Variants in SLC7A7 observed in about 807,000 individuals in gnomAD.
SLC7A7 encodes solute carrier family 7 member 7.
SLC7A7 carries 39 observed loss-of-function variants against 47.9 expected under a neutral mutation model. The observed-to-expected ratio is 0.81, with a 90% CI of 0.63 to 1.06. The LOEUF is 1.06. SLC7A7 is among the 50% of genes least tolerant of loss of function. The probability of loss-of-function intolerance (pLI) is 0.00; values close to 1 mark genes in which losing one functional copy is unlikely to be tolerated. For missense variants in SLC7A7, 588 were observed against 632.0 expected, an observed-to-expected ratio of 0.93 and a Z score of 0.75; for synonymous variants, 234 against 242.8, an observed-to-expected ratio of 0.96 and a Z score of 0.34.
chr14:22,810,630 C>CAAACCTAATTTGCCAGTAAGCA (rs1247550231), intron 2 of SLC7A7, among the ~76,000 whole-genome samples: 1 of 152,146 alleles, frequency 6.6e-6, no homozygotes, highest in Non-Finnish European at 1.5e-5. Context: ...TGCCAGTAAG[C>CAAACCTAATTTGCCAGTAAGCA]AACCTACCAG....
intron 2 of SLC7A7, among the ~76,000 whole-genome samples, chr14:22,801,167 A>G (rs767899635): frequency 6.6e-6 from 1 of 152,164 alleles, no homozygotes; most frequent in Non-Finnish European, 1.5e-5. Context: ...AGCACAGCTT[A>G]TAAAGCTTTG....
intron 3 of SLC7A7, among the ~76,000 whole-genome samples, chr14:22,779,595 C>T (rs1171946344): frequency 1.3e-5 from 2 of 152,070 alleles, no homozygotes; most frequent in Non-Finnish European, 2.9e-5. Flanking sequence ...GCTGGGATTA[C>T]AGGCGCCTGC....
In SLC7A7 at chr14:22,776,296, T is replaced by C. The variant is rs762335369; in HGVS notation, c.793A>G (p.Ile265Val). Residue 265 changes from isoleucine to valine, a missense_variant, in exon 5 of 10, where the codon ATC becomes GTC. By Grantham distance (29) the Ile-to-Val change is conservative (BLOSUM62 3). Transcript: ENST00000674313. ...PERNLPLSIG[I>V]SMPIVTIIYI... ...ATGATGGTGACAATGGGCATGGAGA[T>C]GCCAATGGAGAGGGGCAGGTTCCTA... 5 of 1,614,222 alleles carry C rather than the reference T, an allele frequency of 3.1e-6. No individual in the cohort carries two copies. In the East Asian group the frequency reaches 6.7e-5, roughly 22 times the overall value.
chr14:22,813,368 A>G lies in SLC7A7; in HGVS notation c.31T>C (p.Ser11Pro). ...GGGGAGGTTTCCACCTCAGGCTGGG[A>G]GGCCACTTCATACTCAGTGCTGTCA... is the stretch of plus-strand genomic sequence containing the variant. MVDSTEYEVA[S>P]QPEVETSPLG... Residue 11 changes from serine (S) to proline (P), a missense_variant, in exon 2 of 10, where the codon TCC becomes CCC. Coordinates refer to ENST00000674313, the MANE Select transcript of SLC7A7 (RefSeq NM_003982.4). 1 of 1,613,436 alleles carries G rather than the reference A, an allele frequency of 6.2e-7. No homozygotes were observed. The highest frequency in any genetic ancestry group is 8.5e-7 in the Non-Finnish European group (1 of 1,180,028).
chr14:22,814,424 C>A (rs28485487), intron 1 of SLC7A7, among the ~76,000 whole-genome samples: 1 of 151,456 alleles, frequency 6.6e-6, no homozygotes, highest in Non-Finnish European at 1.5e-5. Context: ...GCAGAGGTTG[C>A]GGTAAGCTAA....
At chr14:22,818,927 A>G (rs564533912), upstream of SLC7A7, among the ~76,000 whole-genome samples, 7 of 152,208 alleles carry the variant, frequency 4.6e-5, no homozygotes, top group Admixed American at 3.9e-4. Flanking sequence ...CCATAAGATA[A>G]CAGCAGCCCT....
At position 22,773,343 on chromosome 14, in the gene SLC7A7, C is replaced by T. The variant is rs1467022043; in HGVS notation, c.*267G>A. 1.7e-6 allele frequency: 1 copy of T among 571,492 alleles called. No individual in the cohort carries two copies. Among genetic ancestry groups the T allele is most frequent in the Non-Finnish European group, 3.3e-6 (1 of 303,632 alleles). The allele number at this position is 571,492 out of a possible 1,614,324, so 35.4% of individuals were successfully genotyped here. A position where few individuals can be genotyped will look rare whatever the true frequency, so the allele number is the denominator to read the frequency against. On this transcript the variant is annotated 3_prime_UTR_variant, in exon 10 of 10. Coordinates refer to ENST00000674313, the MANE Select transcript of SLC7A7 (RefSeq NM_003982.4). Reference sequence around the variant, plus strand: ...AAGAAAAGAGGAGTAGGTAGGCACACCCAGGTGCTTCTAAAACAACCAAGC... The same window carrying T: ...AAGAAAAGAGGAGTAGGTAGGCACATCCAGGTGCTTCTAAAACAACCAAGC...
At chr14:22,816,011 G>A (rs566318180), upstream of SLC7A7, 14 of 235,676 alleles carry the variant, frequency 5.9e-5, no homozygotes, top group Non-Finnish European at 1.0e-4. Context: ...CTGGGCCACT[G>A]CCCCAAAGTC....
chr14:22,808,473 C>T (rs2039249280), intron 2 of SLC7A7, among the ~76,000 whole-genome samples: 1 of 152,186 alleles, frequency 6.6e-6, no homozygotes, highest in African/African-American at 2.4e-5. Context: ...AGAATGTCTT[C>T]ATAGGTCCCA....
intron 2 of SLC7A7, among the ~76,000 whole-genome samples, chr14:22,794,981 C>T (rs1440964260): frequency 2.6e-5 from 4 of 152,016 alleles, no homozygotes; most frequent in East Asian, 1.9e-4. Context: ...CCTTAATTCT[C>T]GTTCTCCAAG....
chr14:22,774,416 G>A lies in SLC7A7; in HGVS notation c.1183C>T (p.Leu395Phe). The stretch of plus-strand genomic sequence containing the variant: ...AGATAAAGCTGACCCACAATAGAAA[G>A]CCCCACAAAGAACCAGTAGCTGAAG... ...YSFSYWFFVG[L>F]SIVGQLYLRW... Residue 395 changes from leucine to phenylalanine, a missense_variant, in exon 8 of 10, where the codon CTT becomes TTT. Leu to Phe is a conservative substitution (Grantham distance 22, BLOSUM62 0). Transcript: ENST00000674313. The A allele has an allele frequency of 6.2e-7, 1 of 1,614,072 alleles. No individual in the cohort carries two copies. The highest frequency in any genetic ancestry group is 8.5e-7 in the Non-Finnish European group (1 of 1,180,010).
upstream of SLC7A7, among the ~76,000 whole-genome samples, chr14:22,819,232 T>C (rs1416217164): frequency 6.6e-6 from 1 of 152,066 alleles, no homozygotes; most frequent in Admixed American, 6.6e-5. Context: ...AGAGACCCCA[T>C]GTCCTGCCTT....
chr14:22,781,510 C>T (rs1324262625), intron 2 of SLC7A7, among the ~76,000 whole-genome samples: 2 of 152,156 alleles, frequency 1.3e-5, no homozygotes, highest in Non-Finnish European at 2.9e-5. Context: ...AACAACAAAC[C>T]TTATCACAGG....
chr14:22,791,221 A>G (rs1382543383), intron 2 of SLC7A7, among the ~76,000 whole-genome samples: 2 of 152,076 alleles, frequency 1.3e-5, no homozygotes, highest in East Asian at 1.9e-4. Context: ...TCCATTCTAA[A>G]GCCTTATTAT....
chr14:22,794,675 C>T (rs1363634988), intron 2 of SLC7A7, among the ~76,000 whole-genome samples: 1 of 152,100 alleles, frequency 6.6e-6, no homozygotes, highest in African/African-American at 2.4e-5. Context: ...TAGGTAATCA[C>T]CTACGGAAAT....
intron 2 of SLC7A7, among the ~76,000 whole-genome samples, chr14:22,784,025 G>A (rs532173774): frequency 2.6e-5 from 4 of 152,330 alleles, no homozygotes; most frequent in Admixed American, 6.5e-5. Context: ...CCACCTCAGC[G>A]GATACAGCTG....
intron 2 of SLC7A7, among the ~76,000 whole-genome samples, chr14:22,787,436 A>AAAATAAAT (rs34759644): frequency 0.011 from 1,576 of 148,248 alleles, 31 homozygotes; most frequent in African/African-American, 0.036. Flanking sequence ...ACTCCGTCTC[A>AAAATAAAT]AAATAAATAA....
intron 2 of SLC7A7, among the ~76,000 whole-genome samples, chr14:22,801,051 C>T (rs1459466434): frequency 1.3e-5 from 2 of 152,138 alleles, no homozygotes; most frequent in African/African-American, 4.8e-5. Context: ...CTAGAACTGT[C>T]CCACTAAGCC....
chr14:22,804,856 T>C (rs890956802), intron 2 of SLC7A7, among the ~76,000 whole-genome samples: 2 of 151,568 alleles, frequency 1.3e-5, no homozygotes, highest in Admixed American at 6.6e-5. Context: ...AAATACAAAA[T>C]TAGCTGGGCA....
Sources: gnomAD v4.1 joint callset for allele counts (sites outside exome capture counted in the v4.1 genomes callset) on GRCh38, gnomAD v4.1.1 for gene constraint, MANE v1.5 for transcripts, NCBI Gene and HGNC (gene_info 2026-07-23, HGNC 2026-07-21) for gene names.